The following BNC2 variants were observed in gnomAD, a reference collection of about 807,000 sequenced individuals.
BNC2 encodes the protein zinc finger protein basonuclin-2.
A neutral mutation model predicts 76.3 loss-of-function variants in BNC2; 20 were observed. The observed-to-expected ratio is 0.26, with a 90% CI of 0.18 to 0.38. The LOEUF is 0.38. Ranked by LOEUF, BNC2 falls within the 10% of genes least tolerant of loss-of-function variation. The probability of loss-of-function intolerance (pLI) is 1.00; values close to 1 mark genes in which losing one functional copy is unlikely to be tolerated. For synonymous variants in BNC2, 582 were observed against 514.8 expected (o/e 1.13, Z -1.77); for missense variants, 1,382 against 1,399.8 (o/e 0.99, Z 0.20).
At chr9:16,831,383 G>C (rs1232077025) in intron 1 of BNC2, among the ~76,000 whole-genome samples, 1 of 152,158 alleles carries the variant, frequency 6.6e-6, no homozygotes, top group African/African-American at 2.4e-5. Context: ...TAAGTAAAGA[G>C]TTCACGTATA....
intron 3 of BNC2, among the ~76,000 whole-genome samples, chr9:16,669,255 C>T (rs1822400732): frequency 6.6e-6 from 1 of 152,170 alleles, no homozygotes; most frequent in African/African-American, 2.4e-5. Flanking sequence ...AAAATTGTTC[C>T]TGAAGAGCCC....
At chr9:16,810,009 T>G (rs1009588084) in intron 1 of BNC2, among the ~76,000 whole-genome samples, 1 of 152,146 alleles carries the variant, frequency 6.6e-6, no homozygotes, top group African/African-American at 2.4e-5. Context: ...TCTAGGATGA[T>G]AAAATGCAAA....
chr9:16,435,890 G>A lies in BNC2; in HGVS notation c.2304C>T (p.His768=), dbSNP rs148819981. Residue 768 remains histidine (H), a synonymous_variant, in exon 6 of 7, where the codon CAC becomes CAT. Coordinates refer to ENST00000380672, the MANE Select transcript of BNC2 (RefSeq NM_017637.6). ...CTTCCTTCACCTTGATGACGTCCTGGTGAGAGGGCTCACTGTGGTTCTCAT... is the reference window on the plus strand; with the variant it reads ...CTTCCTTCACCTTGATGACGTCCTGATGAGAGGGCTCACTGTGGTTCTCAT... The part of the protein sequence containing the change: ...RPDENHSEPS[H]QDVIKVKEEF... The A allele has an allele frequency of 6.2e-7, 1 of 1,613,968 alleles. No individual in the cohort carries two copies. The highest frequency in any genetic ancestry group is 8.5e-7 in the Non-Finnish European group (1 of 1,179,888).
chr9:16,835,815 A>G (rs1818693448), intron 1 of BNC2, among the ~76,000 whole-genome samples: 1 of 152,210 alleles, frequency 6.6e-6, no homozygotes, highest in Non-Finnish European at 1.5e-5. Flanking sequence ...TTGCCAAGAA[A>G]AACAGATTTA....
intron 3 of BNC2, among the ~76,000 whole-genome samples, chr9:16,715,227 T>A (rs1426685469): frequency 6.6e-6 from 1 of 152,246 alleles, no homozygotes; most frequent in Non-Finnish European, 1.5e-5. Flanking sequence ...TCCTTATGCT[T>A]CTACCTTTAT....
chr9:16,449,399 G>C (rs539595380), intron 5 of BNC2, among the ~76,000 whole-genome samples: 2 of 152,186 alleles, frequency 1.3e-5, no homozygotes, highest in South Asian at 4.1e-4. Context: ...AGATTACCTT[G>C]TCATTATGCA....
At chr9:16,610,961 T>C (rs535226522) in intron 3 of BNC2, among the ~76,000 whole-genome samples, 1 of 152,278 alleles carries the variant, frequency 6.6e-6, no homozygotes, top group Non-Finnish European at 1.5e-5. Flanking sequence ...TGCGGTTCTT[T>C]ATATTAACTC....
At chr9:16,712,890 G>A (rs1315811421) in intron 3 of BNC2, among the ~76,000 whole-genome samples, 1 of 152,166 alleles carries the variant, frequency 6.6e-6, no homozygotes, top group South Asian at 2.1e-4. Flanking sequence ...TGACTAGTCC[G>A]TCAAATTCCA....
At chr9:16,653,951 GC>G (rs1336522804) in intron 3 of BNC2, among the ~76,000 whole-genome samples, 4 of 151,468 alleles carry the variant, frequency 2.6e-5, no homozygotes, top group Admixed American at 2.0e-4. Flanking sequence ...CCTCCTGCCT[GC>G]CCCAGCTCTG....
chr9:16,646,407 G>A (rs922733789), intron 3 of BNC2, among the ~76,000 whole-genome samples: 3 of 152,128 alleles, frequency 2.0e-5, no homozygotes, highest in Non-Finnish European at 4.4e-5. Flanking sequence ...GTTGTTTACA[G>A]TGAAATACTA....
At chr9:16,681,812 G>A (rs1247738537) in intron 3 of BNC2, among the ~76,000 whole-genome samples, 2 of 152,144 alleles carry the variant, frequency 1.3e-5, no homozygotes, top group African/African-American at 4.8e-5. Flanking sequence ...AGACCGCCTG[G>A]TACTTTGGGC....
chr9:16,638,249 G>A (rs998495119), intron 3 of BNC2, among the ~76,000 whole-genome samples: 2 of 152,060 alleles, frequency 1.3e-5, no homozygotes, highest in Non-Finnish European at 2.9e-5. Flanking sequence ...TATCTCATCT[G>A]AAACCAAGTG....
At chr9:16,471,128 A>G (rs1821815400) in intron 5 of BNC2, among the ~76,000 whole-genome samples, 2 of 152,288 alleles carry the variant, frequency 1.3e-5, no homozygotes, top group South Asian at 4.1e-4. Context: ...CTGGAGTCAA[A>G]GGAGATCATT....
At chr9:16,763,489 G>A (rs1272101221) in intron 1 of BNC2, among the ~76,000 whole-genome samples, 3 of 152,056 alleles carry the variant, frequency 2.0e-5, no homozygotes, top group Admixed American at 1.3e-4. Context: ...AGGATCACTT[G>A]AGCCCAGGAG....
chr9:16,543,414 C>T (rs1353172703), intron 5 of BNC2, among the ~76,000 whole-genome samples: 1 of 152,188 alleles, frequency 6.6e-6, no homozygotes, highest in Non-Finnish European at 1.5e-5. Context: ...ATGATTTAAT[C>T]AGTGCCATCA....
At chr9:16,610,608 C>T (rs1820517877) in intron 3 of BNC2, among the ~76,000 whole-genome samples, 1 of 152,146 alleles carries the variant, frequency 6.6e-6, no homozygotes. Context: ...TCTTAAAAAA[C>T]TCCTATCTGC....
At chr9:16,655,959 C>G (rs1395274014) in intron 3 of BNC2, among the ~76,000 whole-genome samples, 5 of 152,118 alleles carry the variant, frequency 3.3e-5, no homozygotes, top group Non-Finnish European at 5.9e-5. Context: ...ATATTCGCCA[C>G]GCATTGTAAG....
chr9:16,738,582 C>A, intron 1 of BNC2, 97 bp from the exon 2 acceptor site: 1 of 1,307,514 alleles, frequency 7.6e-7, no homozygotes, highest in Non-Finnish European at 1.1e-6. Flanking sequence ...AAATATAACA[C>A]ACCAATGACC....
chr9:16,525,957 A>T (rs1318514101), intron 5 of BNC2, among the ~76,000 whole-genome samples: 2 of 152,148 alleles, frequency 1.3e-5, no homozygotes, highest in East Asian at 3.9e-4. Context: ...ATACAGCACA[A>T]TCAAGAGTCT....
Sources: allele counts gnomAD v4.1 joint callset (sites outside exome capture counted in the v4.1 genomes callset), GRCh38; gene constraint gnomAD v4.1.1; transcripts MANE v1.5; gene names NCBI Gene and HGNC (gene_info 2026-07-23, HGNC 2026-07-21).